The following GRIN3A variants were observed in gnomAD, a reference collection of about 807,000 sequenced individuals.
GRIN3A encodes glutamate ionotropic receptor NMDA type subunit 3A.
Under a neutral mutation model 92.4 loss-of-function variants are expected in GRIN3A, and 47 were observed. That is an observed-to-expected ratio of 0.51 (90% CI 0.40 to 0.65). GRIN3A has a LOEUF of 0.65. Among genes scored for constraint, GRIN3A ranks in the 30% least tolerant of loss-of-function variants. GRIN3A has a pLI of 0.00. For missense variants in GRIN3A, 1,324 were observed against 1,393.1 expected (o/e 0.95, Z 0.79); for synonymous variants, 527 against 540.6 (o/e 0.97, Z 0.35).
intron 2 of GRIN3A, among the ~76,000 whole-genome samples, chr9:101,674,417 G>C (rs1829366939): frequency 6.6e-6 from 1 of 152,028 alleles, no homozygotes; most frequent in Admixed American, 6.6e-5. Context: ...GGTGGTAAGG[G>C]CTAAGGCAGT....
intron 1 of GRIN3A, among the ~76,000 whole-genome samples, chr9:101,720,866 G>A (rs2119028026): frequency 1.3e-5 from 2 of 152,276 alleles, no homozygotes; most frequent in East Asian, 3.9e-4. Flanking sequence ...AGAGTGGGAG[G>A]AGGGAGAGGA....
chr9:101,662,652 A>G (rs1464632097), intron 3 of GRIN3A, among the ~76,000 whole-genome samples: 2 of 151,754 alleles, frequency 1.3e-5, no homozygotes, highest in African/African-American at 4.8e-5. Context: ...TCAAAGAAAC[A>G]AAAAAGTCCT....
rs373464289 is a variant in GRIN3A, at chr9:101,614,993, A to T, written c.2615-1466T>A. On this transcript the variant is annotated intron_variant, in intron 5 of 8. Transcript: ENST00000361820. ...GGGTGGTGGTAATGCAGGGCAAGGG[A>T]GGCAGGGGAAGGAATGAGGGAGGAA... 5.3e-5 allele frequency among the ~76,000 whole-genome samples: 8 copies of T among 152,108 alleles called. No homozygotes were observed. The South Asian group carries it at 1.0e-3, about 20-fold the overall frequency.
chr9:101,630,520 T>C (rs904123364), intron 3 of GRIN3A, among the ~76,000 whole-genome samples: 2 of 152,220 alleles, frequency 1.3e-5, no homozygotes, highest in Non-Finnish European at 2.9e-5. Context: ...GTGTGTCATT[T>C]GTCCAAGGTC....
chr9:101,633,369 T>G (rs1028053760), intron 3 of GRIN3A, among the ~76,000 whole-genome samples: 1 of 152,248 alleles, frequency 6.6e-6, no homozygotes, highest in African/African-American at 2.4e-5. Flanking sequence ...AGCTCCCTTC[T>G]ACTGCATTAC....
intron 6 of GRIN3A, among the ~76,000 whole-genome samples, chr9:101,605,245 G>C (rs1463882748): frequency 6.6e-6 from 1 of 152,202 alleles, no homozygotes; most frequent in African/African-American, 2.4e-5. Flanking sequence ...GAACTGGTTC[G>C]CAGCAGTGTC....
At chr9:101,616,573 G>T (rs1409721158) in intron 5 of GRIN3A, among the ~76,000 whole-genome samples, 1 of 151,732 alleles carries the variant, frequency 6.6e-6, no homozygotes, top group African/African-American at 2.4e-5. Context: ...AGTTTTTTAT[G>T]CGTTATTTCA....
intron 5 of GRIN3A, among the ~76,000 whole-genome samples, chr9:101,617,530 T>C (rs1461314616): frequency 6.6e-6 from 1 of 152,220 alleles, no homozygotes; most frequent in Non-Finnish European, 1.5e-5. Flanking sequence ...TCTAGGTTAA[T>C]TTGCAGTTGC....
intron 1 of GRIN3A, among the ~76,000 whole-genome samples, chr9:101,729,457 C>T (rs1475011429): frequency 6.6e-6 from 1 of 152,132 alleles, no homozygotes; most frequent in Non-Finnish European, 1.5e-5. Context: ...GCCTCTTCTC[C>T]ATCTTCAATG....
At chr9:101,719,481 A>G (rs2037236298) in intron 1 of GRIN3A, among the ~76,000 whole-genome samples, 1 of 151,908 alleles carries the variant, frequency 6.6e-6, no homozygotes, top group Admixed American at 6.6e-5. Flanking sequence ...CAGTGTTTCA[A>G]TGGCCTCTTA....
intron 6 of GRIN3A, among the ~76,000 whole-genome samples, chr9:101,583,273 C>T (rs954439618): frequency 6.6e-6 from 1 of 152,108 alleles, no homozygotes; most frequent in Non-Finnish European, 1.5e-5. Context: ...CTTCACTATT[C>T]GCTATAACAA....
chr9:101,728,893 C>T (rs901828926), intron 1 of GRIN3A, among the ~76,000 whole-genome samples: 2 of 152,152 alleles, frequency 1.3e-5, no homozygotes, highest in African/African-American at 4.8e-5. Flanking sequence ...TTTCTGAAAG[C>T]CCTGGCCTAT....
chr9:101,733,072 T>G (rs1367091090), intron 1 of GRIN3A, among the ~76,000 whole-genome samples: 1 of 152,206 alleles, frequency 6.6e-6, no homozygotes, highest in African/African-American at 2.4e-5. Flanking sequence ...ACAAAATCCA[T>G]GGTGCCTTCT....
chr9:101,672,082 G>A (rs1374177687), intron 2 of GRIN3A, among the ~76,000 whole-genome samples: 2 of 152,094 alleles, frequency 1.3e-5, no homozygotes, highest in African/African-American at 2.4e-5. Flanking sequence ...GTGGCTTGTG[G>A]CCTTGTGTTA....
chr9:101,715,918 C>G lies in GRIN3A; in HGVS notation c.699+21363G>C, dbSNP rs1190295005. ...CTTGTAAATACATTTTTAAACATCA[C>G]CATTACATTGTTTTTATATACAAAT... On this transcript the variant is annotated intron_variant, in intron 1 of 8. Transcript: ENST00000361820. 3.3e-5 allele frequency among the ~76,000 whole-genome samples: 5 copies of G among 152,036 alleles called. No homozygotes were observed. The East Asian group carries it at 7.7e-4, about 23-fold the overall frequency.
chr9:101,606,493 T>A (rs1427185663), intron 6 of GRIN3A, among the ~76,000 whole-genome samples: 1 of 152,196 alleles, frequency 6.6e-6, no homozygotes, highest in South Asian at 2.1e-4. Flanking sequence ...TAAAAATAGG[T>A]CTCTTAATTC....
At chr9:101,671,511 T>C (rs555588410) in intron 2 of GRIN3A, among the ~76,000 whole-genome samples, 1 of 152,348 alleles carries the variant, frequency 6.6e-6, no homozygotes, top group African/African-American at 2.4e-5. Context: ...TGTTCAATTG[T>C]AACTACACCT....
At chr9:101,639,808 T>C (rs1182438014) in intron 3 of GRIN3A, among the ~76,000 whole-genome samples, 1 of 152,188 alleles carries the variant, frequency 6.6e-6, no homozygotes, top group East Asian at 1.9e-4. Context: ...TAAGAAGTTA[T>C]ACAGCATAGA....
At chr9:101,683,467 AAAAT>A (rs1211634793) in intron 2 of GRIN3A, among the ~76,000 whole-genome samples, 2 of 152,226 alleles carry the variant, frequency 1.3e-5, no homozygotes, top group African/African-American at 4.8e-5. Flanking sequence ...TGTATTAAAC[AAAAT>A]AAATAAGGAT....
Sources: gnomAD v4.1 joint callset for allele counts (sites outside exome capture counted in the v4.1 genomes callset) on GRCh38, gnomAD v4.1.1 for gene constraint, MANE v1.5 for transcripts, NCBI Gene and HGNC (gene_info 2026-07-23, HGNC 2026-07-21) for gene names.